Variants in ZNF445 observed in about 807,000 individuals in gnomAD.
ZNF445 encodes zinc finger protein 445, also known as zinc finger protein 168.
Under a neutral mutation model 93.9 loss-of-function variants are expected in ZNF445, and 19 were observed. That is an observed-to-expected ratio of 0.20 (90% CI 0.14 to 0.30). The LOEUF is 0.30. Among genes scored for constraint, ZNF445 ranks in the 10% least tolerant of loss-of-function variants. ZNF445 has a pLI of 1.00. For missense variants in ZNF445, 1,058 were observed against 1,259.4 expected (o/e 0.84, Z 2.42); for synonymous variants, 449 against 446.3 (o/e 1.01, Z -0.08).
At chr3:44,454,557 C>A (rs185255372) in intron 3 of ZNF445, among the ~76,000 whole-genome samples, 4 of 151,722 alleles carry the variant, frequency 2.6e-5, no homozygotes, top group Non-Finnish European at 5.9e-5. Context: ...CACCTCAGTC[C>A]CCCAAGTAGC....
At chr3:44,469,407 CTCT>C (rs1424719015) in intron 1 of ZNF445, among the ~76,000 whole-genome samples, 1 of 152,220 alleles carries the variant, frequency 6.6e-6, no homozygotes, top group Non-Finnish European at 1.5e-5. Context: ...TTAACCCCTC[CTCT>C]GTGGGGTCTG....
intron 3 of ZNF445, 72 bp downstream of exon 3, chr3:44,455,049 C>T (rs774597267): frequency 1.3e-6 from 2 of 1,587,140 alleles, no homozygotes; most frequent in South Asian, 2.2e-5. Flanking sequence ...TAGAGGGCCA[C>T]CCCCATCCCC....
rs764217924 is a variant in ZNF445 at position 44,448,177 on chromosome 3, G to T, written c.1494C>A (p.Ser498=). Reference sequence around the variant, plus strand: ...GAAGTCTCTGATGATACGCAAGATGGGAGCTATGACTGAAAGTCCTTCCAC... The same window carrying T: ...GAAGTCTCTGATGATACGCAAGATGTGAGCTATGACTGAAAGTCCTTCCAC... The part of the protein sequence containing the change: ...SDCGRTFSHS[S]HLAYHQRLHT... The change falls in exon 8 of 8, where the codon TCC becomes TCA. Residue 498 remains serine, a synonymous_variant. Transcript: ENST00000396077. The T allele has an allele frequency of 5.0e-6, 8 of 1,613,988 alleles. No homozygotes were observed. The highest frequency in any genetic ancestry group is 6.8e-6 in the Non-Finnish European group (8 of 1,180,028).
chr3:44,450,640 G>A (rs1357060485), intron 5 of ZNF445, 67 bp from the exon 6 acceptor site: 1 of 1,574,760 alleles, frequency 6.4e-7, no homozygotes, highest in Non-Finnish European at 8.6e-7. Flanking sequence ...GGGAGAGAAG[G>A]GGAATAAACT....
intron 1 of ZNF445, among the ~76,000 whole-genome samples, chr3:44,464,573 T>A (rs768648940): frequency 1.2e-4 from 18 of 152,210 alleles, no homozygotes; most frequent in Non-Finnish European, 2.2e-4. Context: ...ATAAAATGTC[T>A]TGAAAATGGA....
At chr3:44,472,884 T>A (rs1698291161) in intron 1 of ZNF445, among the ~76,000 whole-genome samples, 1 of 152,136 alleles carries the variant, frequency 6.6e-6, no homozygotes, top group South Asian at 2.1e-4. Flanking sequence ...TTCTCAGGAC[T>A]CTCCCCCCAG....
chr3:44,450,342 G>A, intron 6 of ZNF445, 105 bp downstream of exon 6: 3 of 1,447,910 alleles, frequency 2.1e-6, no homozygotes, highest in East Asian at 2.3e-5. Flanking sequence ...AGCAGTTACA[G>A]AGCCAGGATC....
In ZNF445 at chr3:44,450,507, C is replaced by G; in HGVS notation, c.760G>C (p.Ala254Pro). The G allele has an allele frequency of 6.2e-7, 1 of 1,614,204 alleles. No individual in the cohort carries two copies. The highest frequency in any genetic ancestry group is 1.6e-4 in the Middle Eastern group (1 of 6,062). The change falls in exon 6 of 8, where the codon GCT becomes CCT. Residue 254 changes from alanine to proline, a missense_variant. Ala to Pro is a conservative substitution (Grantham distance 27). Coordinates refer to ENST00000396077, the MANE Select transcript of ZNF445 (RefSeq NM_181489.6). Reference protein sequence around the residue: ...SQDEWGWLDSAQRNLYRDVML... With the variant: ...SQDEWGWLDSPQRNLYRDVML... ...ACATCCCTGTACAGGTTCCTCTGAGCAGAGTCCAGCCACCCCCACTCGTCC... is the reference window on the plus strand; with the variant it reads ...ACATCCCTGTACAGGTTCCTCTGAGGAGAGTCCAGCCACCCCCACTCGTCC...
chr3:44,473,252 C>T (rs1006014205), intron 1 of ZNF445, among the ~76,000 whole-genome samples: 4 of 151,908 alleles, frequency 2.6e-5, no homozygotes, highest in South Asian at 4.1e-4. Context: ...GTTGGGAGTT[C>T]GAGACCAGCC....
At position 44,435,932 on chromosome 3, in the gene ZNF445, T is replaced by A. The variant is rs1697671356; in HGVS notation, c.*10643A>T. On this transcript the variant is annotated 3_prime_UTR_variant, in exon 8 of 8. Coordinates refer to ENST00000396077, the MANE Select transcript of ZNF445 (RefSeq NM_181489.6). ...CTAGAGGCTGGTTATCCCAGAAAAG[T>A]CTAATTATTTGCCCTTCCCAATGCA... 1.3e-5 allele frequency: 2 copies of A among 152,206 alleles called. No individual in the cohort carries two copies. Among genetic ancestry groups the A allele is most frequent in the Non-Finnish European group, 2.9e-5 (2 of 68,038 alleles). 9.4% of individuals were successfully genotyped at this position (152,206 alleles called of 1,614,324 possible). A position where few individuals can be genotyped will look rare whatever the true frequency, so the allele number is the denominator to read the frequency against.
At chr3:44,450,255 A>G (rs1294207652) in intron 6 of ZNF445, 192 bp downstream of exon 6, 1 of 659,488 alleles carries the variant, frequency 1.5e-6, no homozygotes, top group Non-Finnish European at 2.6e-6. Context: ...AATCTTTACA[A>G]TAATCCAGAA....
At position 44,474,668 on chromosome 3, in the gene ZNF445, A is replaced by G. The variant is rs550471838; in HGVS notation, c.-269+2923T>C. 2.6e-5 allele frequency among the ~76,000 whole-genome samples: 4 copies of G among 152,344 alleles called. No individual in the cohort carries two copies. The South Asian group carries it at 8.3e-4, about 32-fold the overall frequency. ...AATTCTAGATTGGAGCCTACAACAG[A>G]AAAAGAATGCTTAAATAAACTTTTA... On this transcript the variant is annotated intron_variant, in intron 1 of 7. Coordinates refer to ENST00000396077, the MANE Select transcript of ZNF445 (RefSeq NM_181489.6).
intron 1 of ZNF445, among the ~76,000 whole-genome samples, chr3:44,469,637 C>CA (rs1698238850): frequency 6.6e-6 from 1 of 151,882 alleles, no homozygotes; most frequent in East Asian, 2.0e-4. Context: ...GGCGTGGAGA[C>CA]GTACAGCTGT....
In ZNF445 at chr3:44,439,310, C is replaced by CAAAAAA. The variant is rs556191734; in HGVS notation, c.*7259_*7264dup. ...TGGGTGACAGGGTGAGACCTTGTCT[C>CAAAAAA]AAAAAAAAAAAAAAAAAAAAAGCAA... On this transcript the variant is annotated 3_prime_UTR_variant, in exon 8 of 8. Coordinates refer to ENST00000396077, the MANE Select transcript of ZNF445 (RefSeq NM_181489.6). 1 of 62,768 alleles carries CAAAAAA rather than the reference C, an allele frequency of 1.6e-5. No homozygotes were observed. The highest frequency in any genetic ancestry group is 3.2e-5 in the Non-Finnish European group (1 of 31,090). The allele number at this position is 62,768 out of a possible 1,614,324, so 3.9% of individuals were successfully genotyped here. A position where few individuals can be genotyped will look rare whatever the true frequency, so the allele number is the denominator to read the frequency against.
Position 44,446,714 on chromosome 3 carries a change from G to A in ZNF445, c.2957C>T (p.Thr986Ile), listed in dbSNP as rs1697882425. 6.2e-7 allele frequency: 1 copy of A among 1,614,182 alleles called. No homozygotes were observed. The highest frequency in any genetic ancestry group is 8.5e-7 in the Non-Finnish European group (1 of 1,180,044). The change falls in exon 8 of 8, where the codon ACT becomes ATT. Residue 986 changes from threonine to isoleucine, a missense_variant. By Grantham distance (89) the Thr-to-Ile change is moderately conservative (BLOSUM62 -1). Transcript: ENST00000396077. This position sits in a 1 kb window ranked among gnomAD's most constrained non-coding sequence, Gnocchi z 4.2. Reference protein sequence around the residue: ...KCHKCSICGKTFNKSSQLISH... With the variant: ...KCHKCSICGKIFNKSSQLISH... The stretch of plus-strand genomic sequence containing the variant: ...AATGAGTTGTGAACTCTTGTTAAAA[G>A]TTTTCCCACATATGCTGCATTTGTG...
chr3:44,460,843 G>A (rs964124543), intron 1 of ZNF445, among the ~76,000 whole-genome samples: 5 of 152,156 alleles, frequency 3.3e-5, no homozygotes, highest in South Asian at 2.1e-4. Flanking sequence ...CTCCTTGGGC[G>A]GTTACAAATT....
Position 44,449,581 on chromosome 3 carries a change from G to A in ZNF445, c.863C>T (p.Ala288Val). Residue 288 changes from alanine to valine, a missense_variant, in exon 7 of 8, where the codon GCA becomes GTA. This residue lies in a region of ZNF445 where 657 missense variants were observed against 746.4 expected (regional missense o/e 0.88). Transcript: ENST00000396077. The part of the protein sequence containing the change: ...TKPALISWLE[A>V]REPWGLNMQA... ...CATGTTCAGGCCCCATGGCTCCCTTGCTTCCAACCAGGAGATCAGAGCAGG... is the reference window on the plus strand; with the variant it reads ...CATGTTCAGGCCCCATGGCTCCCTTACTTCCAACCAGGAGATCAGAGCAGG... The A allele has an allele frequency of 6.2e-7, 1 of 1,614,174 alleles. No homozygotes were observed. Among genetic ancestry groups the A allele is most frequent in the Non-Finnish European group, 8.5e-7 (1 of 1,180,012 alleles).
At chr3:44,454,954 C>T in intron 3 of ZNF445, 167 bp downstream of exon 3, 1 of 744,436 alleles carries the variant, frequency 1.3e-6, no homozygotes, top group Non-Finnish European at 2.2e-6. Flanking sequence ...GCTAAAGGGT[C>T]CGTGGCTCAG....
In ZNF445 at chr3:44,434,250, CAAA is replaced by C. The variant is rs34880145; in HGVS notation, c.*12322_*12324del. On this transcript the variant is annotated 3_prime_UTR_variant, in exon 8 of 8. Coordinates refer to ENST00000396077, the MANE Select transcript of ZNF445 (RefSeq NM_181489.6). ...TAACATGGTGAAACCCTGCCTTTAC[CAAA>C]AAAAAAAAAAAAAAAATTAGCCGGG... is the stretch of plus-strand genomic sequence containing the variant. 1,557 of 133,148 alleles carry C rather than the reference CAAA, an allele frequency of 0.012. 21 individuals carry two copies. The highest frequency in any genetic ancestry group is 0.036 in the African/African-American group (1,261 of 34,994). 8.2% of individuals were successfully genotyped at this position (133,148 alleles called of 1,614,324 possible). A position where few individuals can be genotyped will look rare whatever the true frequency, so the allele number is the denominator to read the frequency against.
Sources: allele counts gnomAD v4.1 joint callset (sites outside exome capture counted in the v4.1 genomes callset), GRCh38; gene constraint gnomAD v4.1.1; regional missense constraint gnomAD v4.1.1; non-coding constraint Gnocchi (gnomAD v3.1); transcripts MANE v1.5; gene names NCBI Gene and HGNC (gene_info 2026-07-23, HGNC 2026-07-21).